Variants in ZNF423 observed in about 807,000 individuals in gnomAD.
ZNF423 encodes the protein Ebf-associated zinc finger protein.
A neutral mutation model predicts 95.8 loss-of-function variants in ZNF423; 12 were observed. The ratio of observed to expected loss-of-function variants is 0.13; its 90% CI spans 0.08 to 0.20. The LOEUF (loss-of-function observed/expected upper bound fraction) is 0.20, where lower values mean the gene tolerates loss of function less well. Ranked by LOEUF, ZNF423 falls within the 10% of genes least tolerant of loss-of-function variation. The probability of loss-of-function intolerance (pLI) is 1.00; values close to 1 mark genes in which losing one functional copy is unlikely to be tolerated. For synonymous variants in ZNF423, 749 were observed against 711.9 expected (o/e 1.05, Z -0.83); for missense variants, 1,316 against 1,737.1 (o/e 0.76, Z 4.31).
rs141182968 is a variant in ZNF423 at position 49,647,939 on chromosome 16, G to A, written c.302-9065C>T. Among the ~76,000 whole-genome samples the A allele has an allele frequency of 2.3e-3, 344 of 152,300 alleles. 1 individual carries two copies. The highest frequency in any genetic ancestry group is 7.0e-3 in the African/African-American group (290 of 41,558). On this transcript the variant is annotated intron_variant, in intron 3 of 7. Transcript: ENST00000563137. ...GGAAGTGGCTCTGGAATTGGGCAGC[G>A]ATCAGAGGGTAGAAGAATTTTGAGG...
At chr16:49,499,051 C>T (rs1194450727) in intron 7 of ZNF423, among the ~76,000 whole-genome samples, 3 of 152,206 alleles carry the variant, frequency 2.0e-5, no homozygotes, top group Non-Finnish European at 2.9e-5. Flanking sequence ...CAGGCTATGA[C>T]GTGGACACAC....
intron 3 of ZNF423, among the ~76,000 whole-genome samples, chr16:49,643,160 G>A (rs915929404): frequency 6.6e-6 from 1 of 152,066 alleles, no homozygotes; most frequent in Admixed American, 6.5e-5. Flanking sequence ...CTTTCCTCAT[G>A]CTGGATGCTG....
intron 2 of ZNF423, among the ~76,000 whole-genome samples, chr16:49,756,013 T>G (rs545897962): frequency 2.0e-5 from 3 of 152,226 alleles, no homozygotes; most frequent in Non-Finnish European, 4.4e-5. Context: ...GAAAGAATGA[T>G]GCAGGGGCCA....
At chr16:49,757,028 A>G (rs1223429751) in intron 2 of ZNF423, among the ~76,000 whole-genome samples, 1 of 152,252 alleles carries the variant, frequency 6.6e-6, no homozygotes, top group Non-Finnish European at 1.5e-5. Flanking sequence ...AACACACAAT[A>G]GACAACTGGC....
At chr16:49,653,624 CA>C (rs1448920635) in intron 3 of ZNF423, among the ~76,000 whole-genome samples, 1 of 152,132 alleles carries the variant, frequency 6.6e-6, no homozygotes, top group Non-Finnish European at 1.5e-5. Context: ...GGGTGGGGTG[CA>C]GAGCTGCATC....
intron 5 of ZNF423, among the ~76,000 whole-genome samples, chr16:49,579,920 C>T (rs140994115): frequency 1.3e-5 from 2 of 152,208 alleles, no homozygotes; most frequent in African/African-American, 4.8e-5. Context: ...AGTTTGTCCA[C>T]CTACCTTTCA....
intron 7 of ZNF423, among the ~76,000 whole-genome samples, chr16:49,503,323 T>C (rs1967504758): frequency 6.6e-6 from 1 of 152,140 alleles, no homozygotes; most frequent in South Asian, 2.1e-4. Context: ...GAGGCAGAGC[T>C]GTAGAAGGGT....
chr16:49,668,337 A>G (rs750701585), intron 3 of ZNF423, among the ~76,000 whole-genome samples: 31 of 152,184 alleles, frequency 2.0e-4, no homozygotes, highest in Non-Finnish European at 3.7e-4. Flanking sequence ...AACTCCCACA[A>G]CTCAGAGGCT....
intron 3 of ZNF423, among the ~76,000 whole-genome samples, chr16:49,644,737 T>G (rs1373412183): frequency 7.0e-6 from 1 of 143,634 alleles, no homozygotes; most frequent in African/African-American, 2.6e-5. Flanking sequence ...ATCCAGCCAT[T>G]GGAATAAGGT....
chr16:49,516,093 C>A (rs920395902), intron 7 of ZNF423, among the ~76,000 whole-genome samples: 3 of 152,322 alleles, frequency 2.0e-5, no homozygotes, highest in Admixed American at 2.0e-4. Flanking sequence ...AAGAAAAGAG[C>A]CCAGGTCAAA....
chr16:49,667,691 G>C (rs1378395880), intron 3 of ZNF423, among the ~76,000 whole-genome samples: 2 of 152,212 alleles, frequency 1.3e-5, no homozygotes, highest in Non-Finnish European at 2.9e-5. Flanking sequence ...AGACCAGCTT[G>C]GGCAGCATAG....
At chr16:49,661,073 T>C (rs1401669082) in intron 3 of ZNF423, among the ~76,000 whole-genome samples, 2 of 151,710 alleles carry the variant, frequency 1.3e-5, no homozygotes, top group African/African-American at 2.4e-5. Context: ...ATACAAAAAT[T>C]AGCTAGGTGT....
intron 1 of ZNF423, among the ~76,000 whole-genome samples, chr16:49,802,610 C>T (rs2034599834): frequency 6.6e-6 from 1 of 152,168 alleles, no homozygotes; most frequent in Non-Finnish European, 1.5e-5. Context: ...AGAGAAGGGG[C>T]TTTGGCAGCC....
chr16:49,593,456 C>A (rs1451543787), intron 5 of ZNF423, among the ~76,000 whole-genome samples: 1 of 151,954 alleles, frequency 6.6e-6, no homozygotes, highest in Non-Finnish European at 1.5e-5. Flanking sequence ...AATTTCTCTG[C>A]CATTCACAGA....
At chr16:49,719,901 G>A (rs372846765) in intron 3 of ZNF423, among the ~76,000 whole-genome samples, 81 of 152,334 alleles carry the variant, frequency 5.3e-4, no homozygotes, top group South Asian at 4.1e-3. Flanking sequence ...CAGCATAGCT[G>A]GCTGATTTCA....
At chr16:49,586,649 G>T (rs374861732) in intron 5 of ZNF423, among the ~76,000 whole-genome samples, 8 of 152,252 alleles carry the variant, frequency 5.3e-5, no homozygotes, top group African/African-American at 1.9e-4. Flanking sequence ...CGAATGTGGC[G>T]TGTGGATCAC....
chr16:49,729,374 G>T (rs1002567103), intron 3 of ZNF423, among the ~76,000 whole-genome samples: 2 of 152,116 alleles, frequency 1.3e-5, no homozygotes, highest in African/African-American at 4.8e-5. Flanking sequence ...CAATAGCTCA[G>T]TGTCCAGAGG....
intron 2 of ZNF423, among the ~76,000 whole-genome samples, chr16:49,740,182 TA>T (rs1319679284): frequency 6.6e-5 from 10 of 151,722 alleles, no homozygotes; most frequent in Non-Finnish European, 1.2e-4. Context: ...TCTTTTTCAT[TA>T]AAAAAAATAT....
At chr16:49,779,059 C>A (rs528634846) in intron 2 of ZNF423, among the ~76,000 whole-genome samples, 218 of 152,198 alleles carry the variant, frequency 1.4e-3, no homozygotes, top group African/African-American at 5.0e-3. Flanking sequence ...GAACAAAACT[C>A]AGGCCCTGCA....
Sources: allele counts gnomAD v4.1 joint callset (sites outside exome capture counted in the v4.1 genomes callset), GRCh38; gene constraint gnomAD v4.1.1; transcripts MANE v1.5; gene names NCBI Gene and HGNC (gene_info 2026-07-23, HGNC 2026-07-21).